Variants in DGKB observed in about 807,000 individuals in gnomAD.
DGKB encodes diacylglycerol kinase beta.
Under a neutral mutation model 114.3 loss-of-function variants are expected in DGKB, and 67 were observed. The observed-to-expected ratio is 0.59, with a 90% CI of 0.48 to 0.72. The LOEUF is 0.72. Ranked by LOEUF, DGKB falls within the 30% of genes least tolerant of loss-of-function variation. The probability of loss-of-function intolerance (pLI) is 0.00; values close to 1 mark genes in which losing one functional copy is unlikely to be tolerated. For missense variants in DGKB, 907 were observed against 975.2 expected (o/e 0.93, Z 0.93); for synonymous variants, 398 against 323.1 (o/e 1.23, Z -2.49).
chr7:14,826,299 T>C (rs1444115254), intron 2 of DGKB, among the ~76,000 whole-genome samples: 4 of 152,122 alleles, frequency 2.6e-5, no homozygotes, highest in African/African-American at 9.7e-5. Context: ...ATATTCCCCG[T>C]CAATCAGAAC....
At chr7:14,527,725 T>C (rs1790870427) in intron 20 of DGKB, among the ~76,000 whole-genome samples, 2 of 152,106 alleles carry the variant, frequency 1.3e-5, no homozygotes, top group Non-Finnish European at 2.9e-5. Context: ...GAAATAGAAT[T>C]ATAATGTTTA....
chr7:14,731,919 T>C (rs4721361), intron 5 of DGKB, among the ~76,000 whole-genome samples: 120,852 of 152,018 alleles, frequency 0.79, 48,383 homozygotes, highest in Non-Finnish European at 0.85. Flanking sequence ...AAGTCAAATA[T>C]GGAAACAGTA....
intron 1 of DGKB, among the ~76,000 whole-genome samples, chr7:14,857,826 T>C (rs940192543): frequency 6.6e-6 from 1 of 152,116 alleles, no homozygotes; most frequent in African/African-American, 2.4e-5. Context: ...AATTTTACTT[T>C]ATTTAAATGT....
At chr7:14,560,350 T>C (rs1040808278) in intron 20 of DGKB, among the ~76,000 whole-genome samples, 4 of 152,164 alleles carry the variant, frequency 2.6e-5, no homozygotes, top group African/African-American at 9.7e-5. Context: ...GTCCGTTGAT[T>C]AATAATTTTC....
chr7:14,334,651 G>A (rs1328062325), intron 23 of DGKB, among the ~76,000 whole-genome samples: 1 of 151,872 alleles, frequency 6.6e-6, no homozygotes, highest in Non-Finnish European at 1.5e-5. Flanking sequence ...ATGGAACACA[G>A]TTTGAAAAAT....
chr7:14,947,394 G>A (rs1335627331), intron 1 of DGKB, among the ~76,000 whole-genome samples: 1 of 151,516 alleles, frequency 6.6e-6, no homozygotes, highest in East Asian at 1.9e-4. Context: ...TTGAATTATT[G>A]TCGACATGTA....
chr7:14,578,122 A>C (rs1379679509), intron 19 of DGKB, among the ~76,000 whole-genome samples: 2 of 152,092 alleles, frequency 1.3e-5, no homozygotes, highest in African/African-American at 4.8e-5. Context: ...TGATGGTTTT[A>C]TCAGGGACTA....
At chr7:14,371,105 G>T (rs1383775507) in intron 21 of DGKB, among the ~76,000 whole-genome samples, 3 of 152,094 alleles carry the variant, frequency 2.0e-5, no homozygotes, top group Non-Finnish European at 4.4e-5. Context: ...GTCTTGGCTA[G>T]TGTGAATAGT....
chr7:14,612,560 G>A (rs957704101), intron 16 of DGKB, among the ~76,000 whole-genome samples: 1 of 152,080 alleles, frequency 6.6e-6, no homozygotes, highest in Admixed American at 6.6e-5. Flanking sequence ...CTTTATTCAT[G>A]GAAACATTTC....
chr7:14,336,252 G>A (rs1388226060), intron 23 of DGKB, among the ~76,000 whole-genome samples: 1 of 152,058 alleles, frequency 6.6e-6, no homozygotes, highest in African/African-American at 2.4e-5. Flanking sequence ...GTATCTCAAA[G>A]TGAAAACAAT....
chr7:14,355,321 A>G (rs764051965), intron 21 of DGKB, among the ~76,000 whole-genome samples: 3 of 152,214 alleles, frequency 2.0e-5, no homozygotes, highest in Non-Finnish European at 2.9e-5. Flanking sequence ...TATGTTGAAT[A>G]GGAGTGGTGA....
At position 14,219,720 on chromosome 7, in the gene DGKB, G is replaced by C. The variant is rs561760792; in HGVS notation, c.2123-41569C>G. On this transcript the variant is annotated intron_variant, in intron 23 of 25. Transcript: ENST00000402815. ...TGATTCCAATTATTTTCTCTCACTT[G>C]TGTTGTCTTTTCACTTTCTTGATAG... Among the ~76,000 whole-genome samples the C allele has an allele frequency of 1.4e-3, 216 of 151,776 alleles. 1 individual carries two copies. Among genetic ancestry groups the C allele is most frequent in the African/African-American group, 5.0e-3 (208 of 41,488 alleles).
chr7:14,862,466 T>C (rs1166093164), intron 1 of DGKB, among the ~76,000 whole-genome samples: 2 of 152,074 alleles, frequency 1.3e-5, no homozygotes, highest in African/African-American at 4.8e-5. Flanking sequence ...TATTTAGTGG[T>C]TATAACAACT....
At chr7:14,741,729 A>G (rs983665498) in intron 4 of DGKB, among the ~76,000 whole-genome samples, 1 of 152,208 alleles carries the variant, frequency 6.6e-6, no homozygotes, top group African/African-American at 2.4e-5. Flanking sequence ...AATACCTTGT[A>G]TACTCGCAGT....
intron 23 of DGKB, among the ~76,000 whole-genome samples, chr7:14,196,757 C>T (rs1009715345): frequency 6.6e-6 from 1 of 151,682 alleles, no homozygotes; most frequent in African/African-American, 2.4e-5. Context: ...CCTTATGACT[C>T]ATATTAATCA....
At chr7:14,783,303 A>C (rs1369711184) in intron 2 of DGKB, among the ~76,000 whole-genome samples, 1 of 152,220 alleles carries the variant, frequency 6.6e-6, no homozygotes, top group Non-Finnish European at 1.5e-5. Context: ...GAATACATTA[A>C]GCAAGAATTT....
intron 2 of DGKB, among the ~76,000 whole-genome samples, chr7:14,784,402 C>G (rs1280031572): frequency 1.4e-5 from 2 of 142,606 alleles, no homozygotes. Flanking sequence ...GAGTCTCACT[C>G]TGTAGCCCAG....
intron 5 of DGKB, among the ~76,000 whole-genome samples, chr7:14,731,951 A>G (rs981508492): frequency 2.0e-5 from 3 of 152,190 alleles, no homozygotes; most frequent in Admixed American, 1.3e-4. Flanking sequence ...ATTTTTAAAT[A>G]GGTGATAAGA....
chr7:14,186,044 T>C (rs1783373240), intron 23 of DGKB, among the ~76,000 whole-genome samples: 1 of 152,190 alleles, frequency 6.6e-6, no homozygotes, highest in Non-Finnish European at 1.5e-5. Flanking sequence ...AAAGAGCTTT[T>C]GCATGGCAAA....
Sources: allele counts gnomAD v4.1 joint callset (sites outside exome capture counted in the v4.1 genomes callset), GRCh38; gene constraint gnomAD v4.1.1; transcripts MANE v1.5; gene names NCBI Gene and HGNC (gene_info 2026-07-23, HGNC 2026-07-21).